The following RFC3 variants were observed in gnomAD, a reference collection of about 807,000 sequenced individuals.
RFC3 encodes replication factor C subunit 3, also known as A1 38 kDa subunit.
A neutral mutation model predicts 45.1 loss-of-function variants in RFC3; 41 were observed. That is an observed-to-expected ratio of 0.91 (90% confidence interval 0.71 to 1.18). The LOEUF (loss-of-function observed/expected upper bound fraction) is 1.18, where lower values mean the gene tolerates loss of function less well. RFC3 is among the 50% of genes most tolerant of loss of function. The pLI is 0.00. For synonymous variants in RFC3, 149 were observed against 144.0 expected, an observed-to-expected ratio of 1.03 and a Z score of -0.25; for missense variants, 423 against 428.1, an observed-to-expected ratio of 0.99 and a Z score of 0.10.
At chr13:33,938,208 A>AAAT (rs2082900461) in intron 8 of RFC3, among the ~76,000 whole-genome samples, 1 of 147,070 alleles carries the variant, frequency 6.8e-6, no homozygotes, top group African/African-American at 2.5e-5. Context: ...AAAAAAAAAA[A>AAAT]GTAAGAGTTG....
intron 8 of RFC3, among the ~76,000 whole-genome samples, chr13:33,952,975 A>G (rs2137837056): frequency 6.6e-6 from 1 of 152,300 alleles, no homozygotes; most frequent in East Asian, 1.9e-4. Flanking sequence ...GAAATCACAA[A>G]TCTGCTCTTA....
At chr13:33,967,738 G>T (rs1157005931), downstream of RFC3, among the ~76,000 whole-genome samples, 1 of 151,754 alleles carries the variant, frequency 6.6e-6, no homozygotes. Context: ...TACCCACCTC[G>T]GCCTCTCAAA....
At chr13:33,881,327 C>G (rs1160702676) in intron 8 of RFC3, among the ~76,000 whole-genome samples, 1 of 152,096 alleles carries the variant, frequency 6.6e-6, no homozygotes, top group South Asian at 2.1e-4. Context: ...TGAGAATATT[C>G]ATTCGTTAGT....
intron 8 of RFC3, among the ~76,000 whole-genome samples, chr13:33,860,136 A>C (rs761761815): frequency 1.5e-4 from 23 of 152,320 alleles, no homozygotes; most frequent in Non-Finnish European, 2.9e-4. Flanking sequence ...TTGGACTTGC[A>C]GCCTCCAGAA....
At chr13:33,961,325 T>G (rs757831016) in intron 8 of RFC3, among the ~76,000 whole-genome samples, 7 of 152,206 alleles carry the variant, frequency 4.6e-5, no homozygotes, top group Admixed American at 6.5e-5. Context: ...ACTTCCAATC[T>G]AATTTGAATG....
intron 8 of RFC3, among the ~76,000 whole-genome samples, chr13:33,883,538 C>G (rs7327091): frequency 0.88 from 134,189 of 152,136 alleles, 59,568 homozygotes; most frequent in Non-Finnish European, 0.94. Flanking sequence ...ACACTCACAC[C>G]TGAAACAATT....
intron 8 of RFC3, chr13:33,848,102 T>G (rs892293917): frequency 4.6e-5 from 7 of 152,224 alleles, no homozygotes; most frequent in African/African-American, 1.7e-4. Flanking sequence ...AATTTCACAC[T>G]TATGCATCTA....
At chr13:33,910,935 C>T (rs2082700368) in intron 8 of RFC3, among the ~76,000 whole-genome samples, 1 of 151,844 alleles carries the variant, frequency 6.6e-6, no homozygotes, top group South Asian at 2.1e-4. Flanking sequence ...CTCATGAGAA[C>T]CCTTTCATGA....
intron 8 of RFC3, among the ~76,000 whole-genome samples, chr13:33,864,000 C>G (rs1013179780): frequency 2.0e-5 from 3 of 152,140 alleles, no homozygotes; most frequent in Non-Finnish European, 4.4e-5. Context: ...GCTCATGGTT[C>G]TGCAGCCTGT....
chr13:33,953,354 A>G (rs1289329750), intron 8 of RFC3, among the ~76,000 whole-genome samples: 1 of 150,172 alleles, frequency 6.7e-6, no homozygotes, highest in African/African-American at 2.4e-5. Context: ...AGCCCAGTGA[A>G]TAAAAGGAAA....
intron 8 of RFC3, among the ~76,000 whole-genome samples, chr13:33,882,752 C>T (rs2082493661): frequency 6.6e-6 from 1 of 152,182 alleles, no homozygotes; most frequent in Non-Finnish European, 1.5e-5. Flanking sequence ...AAAGAAACTC[C>T]ATAAAACTTC....
intron 8 of RFC3, among the ~76,000 whole-genome samples, chr13:33,939,469 C>G (rs2082910143): frequency 6.6e-6 from 1 of 152,200 alleles, no homozygotes; most frequent in Non-Finnish European, 1.5e-5. Context: ...AGGAGGCTCT[C>G]TCTGTGTGAC....
intron 8 of RFC3, among the ~76,000 whole-genome samples, chr13:33,853,584 G>T (rs1012576198): frequency 1.3e-5 from 2 of 152,162 alleles, no homozygotes; most frequent in African/African-American, 4.8e-5. Context: ...GGCAGGATAC[G>T]CTGGAGGAAG....
chr13:33,842,497 T>C (rs2082206937), downstream of RFC3, among the ~76,000 whole-genome samples: 1 of 151,962 alleles, frequency 6.6e-6, no homozygotes, highest in Non-Finnish European at 1.5e-5. Context: ...AACGTAGGAG[T>C]GCTTTTCTGT....
chr13:33,902,962 T>G (rs1282141097), intron 8 of RFC3, among the ~76,000 whole-genome samples: 1 of 152,052 alleles, frequency 6.6e-6, no homozygotes, highest in East Asian at 1.9e-4. Flanking sequence ...TAAGAAAATT[T>G]ATGAATTTGT....
intron 8 of RFC3, among the ~76,000 whole-genome samples, chr13:33,944,833 CAGTG>C (rs2082945364): frequency 6.6e-6 from 1 of 151,972 alleles, no homozygotes; most frequent in Admixed American, 6.6e-5. Context: ...TTCAAGGAAA[CAGTG>C]GGGGCAAATG....
chr13:33,926,185 A>T (rs1489077867), intron 8 of RFC3, among the ~76,000 whole-genome samples: 1 of 130,716 alleles, frequency 7.7e-6, no homozygotes, highest in Non-Finnish European at 1.6e-5. Flanking sequence ...AGGAAGGGGA[A>T]CATCACACTC....
intron 8 of RFC3, among the ~76,000 whole-genome samples, chr13:33,843,072 A>G (rs1203343135): frequency 2.6e-5 from 4 of 152,142 alleles, no homozygotes; most frequent in Non-Finnish European, 5.9e-5. Context: ...CACATTCCTT[A>G]AAAAGTAAAA....
At chr13:33,844,967 A>G (rs937553781) in intron 8 of RFC3, among the ~76,000 whole-genome samples, 8 of 152,192 alleles carry the variant, frequency 5.3e-5, no homozygotes, top group African/African-American at 1.9e-4. Context: ...TGATAGGCTT[A>G]GTGTTGATGA....
Sources: gnomAD v4.1 joint callset for allele counts (sites outside exome capture counted in the v4.1 genomes callset) on GRCh38, gnomAD v4.1.1 for gene constraint, MANE v1.5 for transcripts, NCBI Gene and HGNC (gene_info 2026-07-23, HGNC 2026-07-21) for gene names.